The following NTPCR variants were observed in gnomAD, a reference collection of about 807,000 sequenced individuals.
The protein encoded by NTPCR is cancer-related nucleoside-triphosphatase.
In NTPCR, 15 loss-of-function variants were observed where a neutral mutation model predicts 19.5. That is an observed-to-expected ratio of 0.77 (90% CI 0.51 to 1.18). NTPCR has a LOEUF of 1.18. NTPCR is among the 50% of genes most tolerant of loss of function. NTPCR has a pLI of 0.00. For missense variants in NTPCR, 206 were observed against 240.4 expected, an observed-to-expected ratio of 0.86 and a Z score of 0.95; for synonymous variants, 90 against 95.8, an observed-to-expected ratio of 0.94 and a Z score of 0.36.
intron 3 of NTPCR, chr1:232,965,248 G>C (rs1668782892): frequency 6.6e-6 from 1 of 152,212 alleles, no homozygotes; most frequent in Admixed American, 6.5e-5. Context: ...CAGTTTCCTA[G>C]ATGCTATTCT....
intron 4 of NTPCR, 74 bp downstream of exon 4, chr1:232,970,192 T>C (rs1668937949): frequency 1.6e-6 from 2 of 1,234,724 alleles, no homozygotes; most frequent in East Asian, 4.7e-5. Flanking sequence ...CTCTAAAATA[T>C]CTCTTTGGTT....
intron 3 of NTPCR, 40 bp from the exon 4 acceptor site, chr1:232,969,869 G>T: frequency 6.5e-7 from 1 of 1,548,858 alleles, no homozygotes; most frequent in Non-Finnish European, 8.9e-7. Context: ...TTTGATTAAT[G>T]TGACTCTGAT....
chr1:232,964,838 A>T (rs1398734576), intron 3 of NTPCR: 1 of 152,224 alleles, frequency 6.6e-6, no homozygotes, highest in Admixed American at 6.5e-5. Context: ...GAGATACTAA[A>T]CATTTACCAA....
chr1:232,971,855 G>A (rs1444108797), intron 4 of NTPCR, among the ~76,000 whole-genome samples: 3 of 152,138 alleles, frequency 2.0e-5, no homozygotes, highest in Non-Finnish European at 2.9e-5. Context: ...GTTTCATGTC[G>A]TCTTCTCTTA....
chr1:232,958,985 A>G lies in NTPCR; in HGVS notation c.294+2542A>G, dbSNP rs1668593070. Among the ~76,000 whole-genome samples the G allele has an allele frequency of 3.3e-5, 5 of 152,298 alleles. No individual in the cohort carries two copies. In the South Asian group the frequency reaches 1.0e-3, roughly 32 times the overall value. ...GATCAGAGCATAAATCTGTTTTTTA[A>G]TTAAAAAATAAAGAAATACAGACTT... On this transcript the variant is annotated intron_variant, in intron 3 of 4. Transcript: ENST00000366628.
intron 3 of NTPCR, chr1:232,969,333 AC>A (rs1668908180): frequency 6.4e-6 from 1 of 155,152 alleles, no homozygotes; most frequent in Non-Finnish European, 1.4e-5. Context: ...TTTATATACA[AC>A]CAGAAAATAA....
chr1:232,960,575 C>T (rs542560839), intron 3 of NTPCR, among the ~76,000 whole-genome samples: 3 of 152,180 alleles, frequency 2.0e-5, no homozygotes, highest in African/African-American at 7.2e-5. Flanking sequence ...AACTCCTGAC[C>T]TCGTGATCCA....
chr1:232,952,626 T>C (rs1443672055), intron 1 of NTPCR, among the ~76,000 whole-genome samples: 1 of 151,934 alleles, frequency 6.6e-6, no homozygotes, highest in East Asian at 1.9e-4. Context: ...TCTTCCCACC[T>C]CAGCCTCCCT....
chr1:232,956,575 C>A, intron 3 of NTPCR, 132 bp downstream of exon 3: 1 of 649,764 alleles, frequency 1.5e-6, no homozygotes, highest in Non-Finnish European at 2.8e-6. Flanking sequence ...AAGATTGAGT[C>A]TTAATAAGGA....
chr1:232,976,381 A>T, intron 4 of NTPCR: 1 of 1,549,632 alleles, frequency 6.5e-7, no homozygotes, highest in Non-Finnish European at 8.7e-7. Context: ...CAAATTCTCC[A>T]GCTGTGTATC....
chr1:232,958,248 C>T (rs562087560), intron 3 of NTPCR, among the ~76,000 whole-genome samples: 1 of 152,356 alleles, frequency 6.6e-6, no homozygotes, highest in South Asian at 2.1e-4. Flanking sequence ...TTCCAGTGGC[C>T]TAGAAGGCCC....
At chr1:232,971,394 A>G (rs2102755623) in intron 4 of NTPCR, among the ~76,000 whole-genome samples, 1 of 152,326 alleles carries the variant, frequency 6.6e-6, no homozygotes, top group East Asian at 1.9e-4. Flanking sequence ...ACCTTGGCCC[A>G]CTGGCAGTAT....
At chr1:232,976,353 T>A in intron 4 of NTPCR, 2 of 1,544,410 alleles carry the variant, frequency 1.3e-6, no homozygotes, top group Non-Finnish European at 1.7e-6. Context: ...CACCGTACTG[T>A]GTCATAGAAG....
intron 3 of NTPCR, chr1:232,962,015 G>T (rs1668680613): frequency 6.6e-6 from 1 of 152,026 alleles, no homozygotes; most frequent in African/African-American, 2.4e-5. Flanking sequence ...TTCAAAAAAT[G>T]GCCTTGTTCA....
chr1:232,952,096 CCTT>C (rs1333019335), intron 1 of NTPCR, among the ~76,000 whole-genome samples: 1 of 152,174 alleles, frequency 6.6e-6, no homozygotes, highest in Admixed American at 6.5e-5. Context: ...TGTCTTTTCT[CCTT>C]CTCTTCTTAA....
intron 4 of NTPCR, among the ~76,000 whole-genome samples, chr1:232,971,929 T>A (rs1337589836): frequency 6.6e-6 from 1 of 152,200 alleles, no homozygotes; most frequent in East Asian, 1.9e-4. Flanking sequence ...TAGTGAAAGA[T>A]CATGAAAGAA....
intron 3 of NTPCR, chr1:232,962,884 G>C (rs1158630554): frequency 6.6e-6 from 1 of 152,198 alleles, no homozygotes; most frequent in Non-Finnish European, 1.5e-5. Flanking sequence ...GAGGACTCCT[G>C]TCTAGGGAAA....
chr1:232,954,555 CAGGTA>C (rs1426629507), intron 1 of NTPCR, among the ~76,000 whole-genome samples: 2 of 152,188 alleles, frequency 1.3e-5, no homozygotes, highest in Non-Finnish European at 2.9e-5. Flanking sequence ...GTCATGGTGA[CAGGTA>C]AAGTCCCCTG....
At position 232,981,789 on chromosome 1, in the gene NTPCR, C is replaced by G. The variant is rs1474594334; in HGVS notation, c.*3558C>G. On this transcript the variant is annotated 3_prime_UTR_variant, in exon 5 of 5. Coordinates refer to ENST00000366628, the MANE Select transcript of NTPCR (RefSeq NM_032324.3). The stretch of plus-strand genomic sequence containing the variant: ...CTGGAGTGCAGTGGTGCTATCTCGG[C>G]TCACTGTAACCTCCGCCTCCTGGGT... 6.7e-6 allele frequency: 1 copy of G among 148,690 alleles called. No homozygotes were observed. Among genetic ancestry groups the G allele is most frequent in the East Asian group, 2.0e-4 (1 of 4,994 alleles). The allele number at this position is 148,690 out of a possible 1,614,324, so 9.2% of individuals were successfully genotyped here.
Sources: gnomAD v4.1 joint callset for allele counts (sites outside exome capture counted in the v4.1 genomes callset) on GRCh38, gnomAD v4.1.1 for gene constraint, MANE v1.5 for transcripts, NCBI Gene and HGNC (gene_info 2026-07-23, HGNC 2026-07-21) for gene names.